The following LANCL2 variants were observed in gnomAD, a reference collection of about 807,000 sequenced individuals.
LANCL2 encodes the protein lanC-like protein 2.
In LANCL2, 33 loss-of-function variants were observed where a neutral mutation model predicts 56.9. That is an observed-to-expected ratio of 0.58 (90% CI 0.44 to 0.78). LANCL2 has a LOEUF of 0.78. Ranked by LOEUF, LANCL2 falls within the 30% of genes least tolerant of loss-of-function variation. The pLI, the probability that LANCL2 is intolerant of heterozygous loss-of-function variation, is 0.00. For missense variants in LANCL2, 562 were observed against 580.2 expected, an observed-to-expected ratio of 0.97 and a Z score of 0.32; for synonymous variants, 233 against 228.2, an observed-to-expected ratio of 1.02 and a Z score of -0.19.
chr7:55,383,842 A>C lies in LANCL2; in HGVS notation c.205-7951A>C, dbSNP rs13246025. On this transcript the variant is annotated intron_variant, in intron 1 of 8. Transcript: ENST00000254770. ...AGAGAGTGAGACTTCGTCTCTCTCT[A>C]TATATATATGTGTAATAAAATAAAT... 6.5e-3 allele frequency among the ~76,000 whole-genome samples: 985 copies of C among 151,786 alleles called. 7 individuals are homozygous for C. Among genetic ancestry groups the C allele is most frequent in the Non-Finnish European group, 0.011 (743 of 67,814 alleles).
chr7:55,420,930 A>G (rs1046748745), intron 6 of LANCL2, among the ~76,000 whole-genome samples: 5 of 152,200 alleles, frequency 3.3e-5, no homozygotes, highest in African/African-American at 1.2e-4. Flanking sequence ...CTGTTCTAAT[A>G]CATGTTTATG....
intron 1 of LANCL2, among the ~76,000 whole-genome samples, chr7:55,372,562 G>A (rs1789955357): frequency 6.6e-6 from 1 of 152,144 alleles, no homozygotes; most frequent in Admixed American, 6.5e-5. Context: ...GGCTAATTAG[G>A]TTAATACATT....
chr7:55,429,564 G>A (rs1201094917), intron 8 of LANCL2, among the ~76,000 whole-genome samples: 3 of 152,154 alleles, frequency 2.0e-5, no homozygotes, highest in African/African-American at 4.8e-5. Flanking sequence ...TTAGAAATAC[G>A]AGCAGAAAAC....
At chr7:55,380,414 TG>T (rs551212147) in intron 1 of LANCL2, among the ~76,000 whole-genome samples, 15 of 87,784 alleles carry the variant, frequency 1.7e-4, no homozygotes, top group South Asian at 1.0e-3. Flanking sequence ...TATACTGCAT[TG>T]TTTTTTTTTT....
chr7:55,416,080 G>T (rs1262104487), intron 6 of LANCL2, among the ~76,000 whole-genome samples: 1 of 152,150 alleles, frequency 6.6e-6, no homozygotes, highest in Non-Finnish European at 1.5e-5. Flanking sequence ...TTTAGTTTTA[G>T]AAATTGCCAC....
At chr7:55,415,322 A>C (rs898494454) in intron 6 of LANCL2, among the ~76,000 whole-genome samples, 1 of 152,258 alleles carries the variant, frequency 6.6e-6, no homozygotes, top group African/African-American at 2.4e-5. Flanking sequence ...CAGCCACAGC[A>C]TCACTGCTTG....
In LANCL2 at chr7:55,398,463, T is replaced by C. The variant is rs1255800401; in HGVS notation, c.363T>C (p.Cys121=). ...ACCTGCAGTTGTACCGGGTCACATG[T>C]GACCAAACCTACCTGCTCCGATCCC... ...LLYLQLYRVT[C]DQTYLLRSLD... Residue 121 remains cysteine, a synonymous_variant, in exon 3 of 9, where the codon TGT becomes TGC. Transcript: ENST00000254770. 1 of 1,614,224 alleles carries C rather than the reference T, an allele frequency of 6.2e-7. No homozygotes were observed. Among genetic ancestry groups the C allele is most frequent in the Non-Finnish European group, 8.5e-7 (1 of 1,180,030 alleles).
At chr7:55,367,429 A>G (rs1252973864) in intron 1 of LANCL2, among the ~76,000 whole-genome samples, 1 of 152,268 alleles carries the variant, frequency 6.6e-6, no homozygotes, top group South Asian at 2.1e-4. Context: ...GAATGTGGTT[A>G]AAAACTCGAA....
chr7:55,390,653 C>T (rs34853993), intron 1 of LANCL2, among the ~76,000 whole-genome samples: 53,502 of 151,424 alleles, frequency 0.35, 9,902 homozygotes, highest in African/African-American at 0.43. Flanking sequence ...TGGTGGCAAG[C>T]GCCTGTAGTC....
intron 5 of LANCL2, among the ~76,000 whole-genome samples, chr7:55,405,529 T>TTTTTTTTTG (rs1263079516): frequency 2.0e-5 from 3 of 150,192 alleles, no homozygotes; most frequent in Non-Finnish European, 4.4e-5. Context: ...GTCTCACTTT[T>TTTTTTTTTG]GCCCAAGCTA....
chr7:55,380,889 A>C (rs955568085), intron 1 of LANCL2, among the ~76,000 whole-genome samples: 6 of 77,522 alleles, frequency 7.7e-5, no homozygotes, highest in African/African-American at 2.3e-4. Context: ...TTTTTTTTTG[A>C]GATGGTGTTT....
chr7:55,431,180 AC>A, intron 8 of LANCL2, 45 bp from the exon 9 acceptor site: 1 of 1,413,962 alleles, frequency 7.1e-7, no homozygotes, highest in Non-Finnish European at 9.9e-7. Context: ...TGTTATAGAC[AC>A]TACCCTTATG....
At chr7:55,402,778 C>T (rs1226712240) in intron 5 of LANCL2, among the ~76,000 whole-genome samples, 3 of 124,306 alleles carry the variant, frequency 2.4e-5, no homozygotes, top group South Asian at 2.4e-4. Context: ...GGTTGCCGGG[C>T]GGAGGGTCTC....
chr7:55,401,161 G>C lies in LANCL2; in HGVS notation c.679-13G>C, dbSNP rs371868378. On this transcript the variant is annotated splice_polypyrimidine_tract_variant and intron_variant, in intron 4 of 8. Coordinates refer to ENST00000254770, the MANE Select transcript of LANCL2 (RefSeq NM_018697.4). ...TACAGTTTTAGATTTATGCTGTCTTGTTATCTCTGTAGGTAGTCAATGCTA... is the reference window on the plus strand; with the variant it reads ...TACAGTTTTAGATTTATGCTGTCTTCTTATCTCTGTAGGTAGTCAATGCTA... 6.2e-7 allele frequency: 1 copy of C among 1,612,724 alleles called. No individual in the cohort carries two copies. Among genetic ancestry groups the C allele is most frequent in the African/African-American group, 1.3e-5 (1 of 74,916 alleles).
Position 55,378,385 on chromosome 7 carries a change from A to G in LANCL2, c.204+12156A>G, listed in dbSNP as rs372486377. Among the ~76,000 whole-genome samples, 18 of 152,162 alleles carry G rather than the reference A, an allele frequency of 1.2e-4. No individual in the cohort carries two copies. In the East Asian group the frequency reaches 3.5e-3, roughly 30 times the overall value. The stretch of plus-strand genomic sequence containing the variant: ...TGAGGCATAAGAATCACTTGAACCC[A>G]GGAGGTAGGAGGTTGCAGTGAGCTG... On this transcript the variant is annotated intron_variant, in intron 1 of 8. Coordinates refer to ENST00000254770, the MANE Select transcript of LANCL2 (RefSeq NM_018697.4).
intron 5 of LANCL2, among the ~76,000 whole-genome samples, chr7:55,406,286 C>G (rs1258064497): frequency 6.6e-6 from 1 of 152,196 alleles, no homozygotes; most frequent in Non-Finnish European, 1.5e-5. Context: ...AGCAGAGGAA[C>G]AAAACCCCTC....
chr7:55,416,504 C>T (rs573967696), intron 6 of LANCL2, among the ~76,000 whole-genome samples: 2 of 152,136 alleles, frequency 1.3e-5, no homozygotes, highest in Non-Finnish European at 2.9e-5. Flanking sequence ...TGGTTTCGAA[C>T]TCGTGGACTC....
At chr7:55,367,361 G>A (rs1436418745) in intron 1 of LANCL2, among the ~76,000 whole-genome samples, 1 of 152,212 alleles carries the variant, frequency 6.6e-6, no homozygotes, top group Non-Finnish European at 1.5e-5. Context: ...TTTTGAAAGA[G>A]CCATTGGTCT....
chr7:55,414,589 A>T (rs1172776838), intron 6 of LANCL2, among the ~76,000 whole-genome samples: 3 of 152,182 alleles, frequency 2.0e-5, no homozygotes, highest in Admixed American at 2.0e-4. Flanking sequence ...GTAGATGCTC[A>T]TCATGTGTTA....
Sources: allele counts gnomAD v4.1 joint callset (sites outside exome capture counted in the v4.1 genomes callset), GRCh38; gene constraint gnomAD v4.1.1; transcripts MANE v1.5; gene names NCBI Gene and HGNC (gene_info 2026-07-23, HGNC 2026-07-21).